Variants in JAK1 observed in about 807,000 individuals in gnomAD.
JAK1 encodes the protein Janus kinase 1.
JAK1 carries 16 observed loss-of-function variants against 136.6 expected under a neutral mutation model. That is an observed-to-expected ratio of 0.12 (90% CI 0.08 to 0.18). JAK1 has a LOEUF of 0.18. Ranked by LOEUF, JAK1 falls within the 10% of genes least tolerant of loss-of-function variation. The pLI is 1.00. For synonymous variants in JAK1, 492 were observed against 519.5 expected (o/e 0.95, Z 0.72); for missense variants, 859 against 1,450.1 (o/e 0.59, Z 6.62).
Position 64,844,324 on chromosome 1 carries a change from G to C in JAK1, c.2252-109C>G. On this transcript the variant is annotated intron_variant, in intron 16 of 24. Coordinates refer to ENST00000342505, the MANE Select transcript of JAK1 (RefSeq NM_002227.4). This position sits in a 1 kb window ranked among gnomAD's most constrained non-coding sequence, Gnocchi z 5.7. Reference sequence around the variant, plus strand: ...GCCAATGAAGGAACTACTTCAAGCAGTGTGCCCAAACATGGCCCATGGCCA... The same window carrying C: ...GCCAATGAAGGAACTACTTCAAGCACTGTGCCCAAACATGGCCCATGGCCA... 1 of 1,441,086 alleles carries C rather than the reference G, an allele frequency of 6.9e-7. No homozygotes were observed. Among genetic ancestry groups the C allele is most frequent in the Non-Finnish European group, 9.7e-7 (1 of 1,033,468 alleles). The allele number at this position is 1,441,086 out of a possible 1,614,324, so 89.3% of individuals were successfully genotyped here. A position where few individuals can be genotyped will look rare whatever the true frequency, so the allele number is the denominator to read the frequency against.
At chr1:64,875,251 A>G (rs1657329941) in intron 4 of JAK1, among the ~76,000 whole-genome samples, 1 of 152,212 alleles carries the variant, frequency 6.6e-6, no homozygotes, top group Non-Finnish European at 1.5e-5. Flanking sequence ...AAGCTGGAAC[A>G]GAATAATTAA....
chr1:65,008,205 G>A (rs902632850), intron 2 of JAK1, among the ~76,000 whole-genome samples: 28 of 152,166 alleles, frequency 1.8e-4, no homozygotes, highest in African/African-American at 6.8e-4. Context: ...CAGTACGGAA[G>A]TGTAGGAGAG....
rs1557623045 is a variant in JAK1 at position 64,841,351 on chromosome 1, GA to G, written c.2555-13del. ...AACAATATCTGGATCTAACAGAAGA[GA>G]AAAGAAAACAGAGTGAAAGGCAGTC... On this transcript the variant is annotated splice_polypyrimidine_tract_variant and intron_variant, in intron 18 of 24. Coordinates refer to ENST00000342505, the MANE Select transcript of JAK1 (RefSeq NM_002227.4). The G allele has an allele frequency of 6.2e-7, 1 of 1,613,050 alleles. No individual in the cohort carries two copies. Among genetic ancestry groups the G allele is most frequent in the East Asian group, 2.2e-5 (1 of 44,880 alleles).
At chr1:64,864,451 G>C (rs1414914008) in intron 8 of JAK1, among the ~76,000 whole-genome samples, 1 of 152,240 alleles carries the variant, frequency 6.6e-6, no homozygotes, top group Non-Finnish European at 1.5e-5. Context: ...GGCCGTGCCA[G>C]AACCCTTGGG....
Position 65,000,078 on chromosome 1 carries a change from A to T in JAK1, c.-78+44402T>A, listed in dbSNP as rs558214283. Among the ~76,000 whole-genome samples the T allele has an allele frequency of 1.1e-3, 164 of 149,488 alleles. 1 individual carries two copies. Among genetic ancestry groups the T allele is most frequent in the African/African-American group, 4.0e-3 (161 of 40,616 alleles). On this transcript the variant is annotated intron_variant, in intron 2 of 25. Coordinates refer to the JAK1 transcript ENST00000671954. ...CGATCTTGGGTCACTGCAACCTCTG[A>T]CTCCCTGGTTCAAGCGATTCTCCTC...
intron 12 of JAK1, 127 bp downstream of exon 12, chr1:64,850,677 A>G (rs1253913901): frequency 1.5e-6 from 1 of 672,482 alleles, no homozygotes; most frequent in Non-Finnish European, 2.7e-6. Flanking sequence ...CCATCAAAGG[A>G]AAGTCTCCCT....
At chr1:64,995,946 C>T (rs958956136) in intron 2 of JAK1, among the ~76,000 whole-genome samples, 1 of 152,076 alleles carries the variant, frequency 6.6e-6, no homozygotes, top group Non-Finnish European at 1.5e-5. Context: ...GCCATATTGT[C>T]TAGGCTGGCC....
chr1:65,038,083 T>C (rs1647092486), intron 2 of JAK1, among the ~76,000 whole-genome samples: 1 of 152,164 alleles, frequency 6.6e-6, no homozygotes, highest in African/African-American at 2.4e-5. Context: ...CGTGGGAATG[T>C]TTGGGGCCAT....
chr1:64,845,765 G>T, intron 14 of JAK1, 125 bp from the exon 15 acceptor site: 1 of 1,129,100 alleles, frequency 8.9e-7, no homozygotes. Context: ...ATCCTTGGGG[G>T]GTGCAATGGT....
chr1:64,912,913 C>T (rs1391865482), intron 1 of JAK1, among the ~76,000 whole-genome samples: 5 of 152,164 alleles, frequency 3.3e-5, no homozygotes, highest in African/African-American at 1.2e-4. Flanking sequence ...CAAATGCAAC[C>T]TCATACCCCA....
chr1:65,033,436 C>T (rs899930113), intron 2 of JAK1, among the ~76,000 whole-genome samples: 5 of 152,056 alleles, frequency 3.3e-5, no homozygotes, highest in Non-Finnish European at 7.4e-5. Context: ...ATCCTCCCAC[C>T]TTGGCCTCTC....
intron 22 of JAK1, among the ~76,000 whole-genome samples, chr1:64,836,660 C>T (rs905289701): frequency 6.6e-6 from 1 of 152,152 alleles, no homozygotes; most frequent in African/African-American, 2.4e-5. Flanking sequence ...AAAATGAAGG[C>T]ATTCCACCGC....
chr1:64,949,970 C>A (rs1377504175), intron 1 of JAK1, among the ~76,000 whole-genome samples: 2 of 152,010 alleles, frequency 1.3e-5, no homozygotes. Flanking sequence ...TACAAAGACT[C>A]TATTAAAATA....
intron 1 of JAK1, among the ~76,000 whole-genome samples, chr1:64,950,077 A>G (rs1396685068): frequency 1.3e-5 from 2 of 152,350 alleles, no homozygotes; most frequent in African/African-American, 4.8e-5. Context: ...ACTAGAAAAG[A>G]ATAAGTAAAA....
intron 1 of JAK1, among the ~76,000 whole-genome samples, chr1:64,925,075 G>C (rs952122494): frequency 6.6e-6 from 1 of 152,110 alleles, no homozygotes; most frequent in Non-Finnish European, 1.5e-5. Context: ...GGGAGGTTAT[G>C]CAAGTGTGAG....
intron 2 of JAK1, among the ~76,000 whole-genome samples, chr1:65,038,938 TTGTG>T (rs150814115): frequency 1.3e-4 from 19 of 147,952 alleles, no homozygotes; most frequent in East Asian, 6.0e-4. Flanking sequence ...GCACCCAGTC[TTGTG>T]TGTGTGTGTG....
intron 1 of JAK1, among the ~76,000 whole-genome samples, chr1:64,936,134 C>T (rs1645785479): frequency 6.6e-6 from 1 of 152,182 alleles, no homozygotes; most frequent in South Asian, 2.1e-4. Flanking sequence ...TGAGTTGCCT[C>T]CTCTCCTTCC....
At chr1:64,845,010 C>A (rs1343389747) in intron 15 of JAK1, 121 bp from the exon 16 acceptor site, 2 of 1,330,544 alleles carry the variant, frequency 1.5e-6, no homozygotes, top group Non-Finnish European at 2.1e-6. Context: ...CAGCCTGGCC[C>A]TGCTGCCAAT....
chr1:64,861,817 A>G (rs1316501939), intron 8 of JAK1, among the ~76,000 whole-genome samples: 3 of 152,136 alleles, frequency 2.0e-5, no homozygotes, highest in African/African-American at 7.2e-5. Flanking sequence ...GAAAAAAGAA[A>G]CCACACTGAG....
Sources: allele counts gnomAD v4.1 joint callset (sites outside exome capture counted in the v4.1 genomes callset), GRCh38; gene constraint gnomAD v4.1.1; non-coding constraint Gnocchi (gnomAD v3.1); transcripts MANE v1.5; gene names NCBI Gene and HGNC (gene_info 2026-07-23, HGNC 2026-07-21).